Variants in RALGAPA2 observed in about 807,000 individuals in gnomAD.
RALGAPA2 encodes the protein Ral GTPase activating protein catalytic subunit alpha 2, also known as ral GTPase-activating protein subunit alpha-2.
A neutral mutation model predicts 230.4 loss-of-function variants in RALGAPA2; 139 were observed. The ratio of observed to expected loss-of-function variants is 0.60; its 90% confidence interval spans 0.53 to 0.69. The LOEUF is 0.69. Among genes scored for constraint, RALGAPA2 ranks in the 30% least tolerant of loss-of-function variants. The pLI, the probability that RALGAPA2 is intolerant of heterozygous loss-of-function variation, is 0.00. For synonymous variants in RALGAPA2, 847 were observed against 837.8 expected, an observed-to-expected ratio of 1.01 and a Z score of -0.19; for missense variants, 2,163 against 2,276.0, an observed-to-expected ratio of 0.95 and a Z score of 1.01.
intron 26 of RALGAPA2, among the ~76,000 whole-genome samples, chr20:20,533,070 G>C (rs1205505886): frequency 6.6e-6 from 1 of 151,470 alleles, no homozygotes; most frequent in Admixed American, 6.6e-5. Context: ...AGAAAAATGG[G>C]ATGGGGAAAT....
rs185402413 is a variant in RALGAPA2 at position 20,555,173 on chromosome 20, T to C, written c.3157-8341A>G. Reference sequence around the variant, plus strand: ...AGTTGTCCCAGCATCACCTGTTGAATTGACTATTCTTTTCCGACTGAATTG... The same window carrying C: ...AGTTGTCCCAGCATCACCTGTTGAACTGACTATTCTTTTCCGACTGAATTG... On this transcript the variant is annotated intron_variant, in intron 23 of 39. Transcript: ENST00000202677. Among the ~76,000 whole-genome samples the C allele has an allele frequency of 5.3e-3, 811 of 152,320 alleles. 6 individuals are homozygous for C. Among genetic ancestry groups the C allele is most frequent in the African/African-American group, 0.019 (773 of 41,566 alleles).
rs76816410 is a variant in RALGAPA2, at chr20:20,627,515, C to T, written c.1233+1848G>A. Among the ~76,000 whole-genome samples the T allele has an allele frequency of 5.4e-3, 828 of 152,276 alleles. 7 individuals carry two copies. Among genetic ancestry groups the T allele is most frequent in the African/African-American group, 0.019 (789 of 41,556 alleles). On this transcript the variant is annotated intron_variant, in intron 10 of 39. Transcript: ENST00000202677. ...CAATGTAGACACTGAGAGTCTACAC[C>T]TGGTTTACCCAGTCATTCTGCCTGA...
chr20:20,469,940 A>G (rs142449682), intron 37 of RALGAPA2, among the ~76,000 whole-genome samples: 2 of 152,134 alleles, frequency 1.3e-5, no homozygotes, highest in African/African-American at 4.8e-5. Context: ...CCACTTGACA[A>G]ATTTGATTTA....
At chr20:20,500,607 G>A (rs142869697) in intron 35 of RALGAPA2, among the ~76,000 whole-genome samples, 1 of 152,270 alleles carries the variant, frequency 6.6e-6, no homozygotes, top group East Asian at 1.9e-4. Flanking sequence ...CTGAAGTCTT[G>A]AATCTTTTAA....
At chr20:20,428,059 G>GA in intron 37 of RALGAPA2, among the ~76,000 whole-genome samples, 1 of 152,096 alleles carries the variant, frequency 6.6e-6, no homozygotes, top group East Asian at 1.9e-4. Flanking sequence ...TAAAATTTCA[G>GA]AAAAAAATGA....
chr20:20,659,547 A>T (rs949629076), intron 3 of RALGAPA2, among the ~76,000 whole-genome samples: 4 of 152,208 alleles, frequency 2.6e-5, no homozygotes, highest in African/African-American at 9.6e-5. Context: ...TAATCCGAAA[A>T]CAAGGGTGTG....
rs368804478 is a variant in RALGAPA2, at chr20:20,601,757, G to T, written c.2128C>A (p.Arg710=). 6.2e-6 allele frequency: 10 copies of T among 1,613,702 alleles called. No individual in the cohort carries two copies. The highest frequency in any genetic ancestry group is 8.5e-6 in the Non-Finnish European group (10 of 1,179,752). ...RSHPDVTEPM[R]FRSATTSGAP... Reference sequence around the variant, plus strand: ...CCAGACGTGGTGGCACTCCTAAATCGCATCGGTTCGGTCACATCTGGGTGG... The same window carrying T: ...CCAGACGTGGTGGCACTCCTAAATCTCATCGGTTCGGTCACATCTGGGTGG... The change falls in exon 16 of 40, where the codon CGA becomes AGA. Residue 710 remains arginine, a synonymous_variant. Coordinates refer to ENST00000202677, the MANE Select transcript of RALGAPA2 (RefSeq NM_020343.4).
chr20:20,416,900 C>A (rs576888671), intron 37 of RALGAPA2, among the ~76,000 whole-genome samples: 1 of 152,114 alleles, frequency 6.6e-6, no homozygotes, highest in Non-Finnish European at 1.5e-5. Context: ...GCAAAGTGGC[C>A]CCGGACACAG....
chr20:20,644,220 C>CA (rs2067135445), intron 4 of RALGAPA2, among the ~76,000 whole-genome samples: 1 of 151,918 alleles, frequency 6.6e-6, no homozygotes, highest in South Asian at 2.1e-4. Flanking sequence ...ATCTTAACCT[C>CA]AAAAAAGGAG....
chr20:20,635,603 T>G lies in RALGAPA2; in HGVS notation c.820A>C (p.Arg274=), dbSNP rs770991299. 4 of 1,550,728 alleles carry G rather than the reference T, an allele frequency of 2.6e-6. No homozygotes were observed. In the South Asian group the frequency reaches 5.0e-5, roughly 19 times the overall value. ...YKPVLDIPHL[R]PKPVYITTTR... ...GTAGTAATGTACACAGGCTTTGGTC[T>G]CAAATGGGGGATGTCTGGTAGAAGA... Residue 274 remains arginine, a synonymous_variant, in exon 9 of 40, where the codon AGA becomes CGA. Coordinates refer to ENST00000202677, the MANE Select transcript of RALGAPA2 (RefSeq NM_020343.4).
intron 3 of RALGAPA2, among the ~76,000 whole-genome samples, chr20:20,663,437 T>G (rs1297319656): frequency 6.6e-6 from 1 of 152,182 alleles, no homozygotes; most frequent in African/African-American, 2.4e-5. Context: ...GAAGATTCAT[T>G]CTTACTGTAG....
chr20:20,465,951 C>T (rs1236417585), intron 37 of RALGAPA2, among the ~76,000 whole-genome samples: 1 of 152,242 alleles, frequency 6.6e-6, no homozygotes, highest in African/African-American at 2.4e-5. Flanking sequence ...TCTGCAAGGG[C>T]CAGGCTGATA....
At chr20:20,567,328 T>C (rs1291274717) in intron 23 of RALGAPA2, among the ~76,000 whole-genome samples, 1 of 152,216 alleles carries the variant, frequency 6.6e-6, no homozygotes, top group Non-Finnish European at 1.5e-5. Flanking sequence ...TTTTGGGGAA[T>C]TCTGATGTGA....
intron 10 of RALGAPA2, among the ~76,000 whole-genome samples, chr20:20,625,305 T>A (rs2066458899): frequency 6.6e-6 from 1 of 152,236 alleles, no homozygotes; most frequent in Admixed American, 6.5e-5. Context: ...CCCAGCCATA[T>A]ATACACATAT....
chr20:20,549,357 C>T (rs1401990722), intron 23 of RALGAPA2, among the ~76,000 whole-genome samples: 1 of 152,156 alleles, frequency 6.6e-6, no homozygotes, highest in Non-Finnish European at 1.5e-5. Context: ...CTCCCTCACC[C>T]CCTGGACCTC....
intron 10 of RALGAPA2, 128 bp downstream of exon 10, chr20:20,629,235 C>T (rs968854763): frequency 5.4e-6 from 4 of 736,018 alleles, no homozygotes; most frequent in Middle Eastern, 3.7e-4. Flanking sequence ...AGTTCTGTAA[C>T]ATAACCCAAC....
chr20:20,708,842 C>A (rs1025810428), intron 1 of RALGAPA2, among the ~76,000 whole-genome samples: 7 of 152,180 alleles, frequency 4.6e-5, no homozygotes, highest in Admixed American at 4.6e-4. Flanking sequence ...TACATCAATG[C>A]CAGTTCTATA....
intron 16 of RALGAPA2, among the ~76,000 whole-genome samples, chr20:20,596,744 C>A (rs1171313686): frequency 1.3e-5 from 2 of 152,226 alleles, no homozygotes; most frequent in Non-Finnish European, 2.9e-5. Context: ...AAACTGCAGA[C>A]CGAGCCCAGG....
At chr20:20,396,453 G>A (rs1008628664) in intron 39 of RALGAPA2, among the ~76,000 whole-genome samples, 9 of 152,268 alleles carry the variant, frequency 5.9e-5, no homozygotes, top group African/African-American at 2.2e-4. Flanking sequence ...TTTCCGGGAT[G>A]GCAGGTGTTG....
Sources: allele counts gnomAD v4.1 joint callset (sites outside exome capture counted in the v4.1 genomes callset), GRCh38; gene constraint gnomAD v4.1.1; transcripts MANE v1.5; gene names NCBI Gene and HGNC (gene_info 2026-07-23, HGNC 2026-07-21).